PLEKHG7: variants seen among roughly 807,000 people sequenced by gnomAD.
PLEKHG7 encodes the protein pleckstrin homology and RhoGEF domain containing G7.
A neutral mutation model predicts 85.2 loss-of-function variants in PLEKHG7; 77 were observed. The ratio of observed to expected loss-of-function variants is 0.90; its 90% CI spans 0.75 to 1.09. PLEKHG7 has a LOEUF of 1.09. PLEKHG7 is among the 50% of genes least tolerant of loss of function. The pLI is 0.00. For missense variants in PLEKHG7, 777 were observed against 804.3 expected (o/e 0.97, Z 0.41); for synonymous variants, 301 against 302.4 (o/e 1.00, Z 0.05).
intron 5 of PLEKHG7, among the ~76,000 whole-genome samples, chr12:92,733,915 A>G (rs762230158): frequency 6.6e-6 from 1 of 152,210 alleles, no homozygotes; most frequent in Non-Finnish European, 1.5e-5. Flanking sequence ...TCAGCTCACA[A>G]TTGAGAAGAT....
intron 1 of PLEKHG7, among the ~76,000 whole-genome samples, chr12:92,704,487 T>G (rs765779383): frequency 6.6e-6 from 1 of 152,204 alleles, no homozygotes; most frequent in Non-Finnish European, 1.5e-5. Flanking sequence ...CAATCTCACC[T>G]TAACTGAACA....
At chr12:92,753,380 A>G (rs1872744237) in intron 10 of PLEKHG7, among the ~76,000 whole-genome samples, 1 of 152,190 alleles carries the variant, frequency 6.6e-6, no homozygotes. Context: ...AGCTATTCTC[A>G]TGTTTACTCA....
chr12:92,731,254 G>A (rs564847192), intron 4 of PLEKHG7, among the ~76,000 whole-genome samples: 1 of 152,292 alleles, frequency 6.6e-6, no homozygotes, highest in South Asian at 2.1e-4. Context: ...TTGTGCCTAA[G>A]GGAGAGTCCA....
intron 14 of PLEKHG7, among the ~76,000 whole-genome samples, chr12:92,762,584 T>G (rs1043538256): frequency 1.3e-5 from 2 of 152,190 alleles, no homozygotes; most frequent in African/African-American, 2.4e-5. Flanking sequence ...TCTAATTTAC[T>G]ATTTCACAAT....
rs1021346280 is a variant in PLEKHG7, at chr12:92,735,165, T to C, written c.700-1317T>C. 5.3e-5 allele frequency among the ~76,000 whole-genome samples: 8 copies of C among 152,200 alleles called. No individual in the cohort carries two copies. In the South Asian group the frequency reaches 1.7e-3, roughly 32 times the overall value. ...GCTTCCATTGTCTCAGCCTCTTTCT[T>C]TTCCAACTGGCTGCTGATTTTTTAT... On this transcript the variant is annotated intron_variant, in intron 5 of 16. Transcript: ENST00000344636.
At chr12:92,722,913 C>G (rs1871686704) in intron 3 of PLEKHG7, among the ~76,000 whole-genome samples, 2 of 152,066 alleles carry the variant, frequency 1.3e-5, no homozygotes, top group African/African-American at 4.8e-5. Flanking sequence ...CAGTATGAAT[C>G]TTCAACGTGT....
chr12:92,768,465 GT>G (rs1873284588), intron 15 of PLEKHG7, among the ~76,000 whole-genome samples: 1 of 152,106 alleles, frequency 6.6e-6, no homozygotes. Flanking sequence ...ATTTTGAGTG[GT>G]TTTTGGCTTT....
intron 10 of PLEKHG7, among the ~76,000 whole-genome samples, chr12:92,751,113 G>A (rs188274830): frequency 3.0e-4 from 46 of 152,250 alleles, no homozygotes; most frequent in African/African-American, 1.0e-3. Context: ...ACACAACATA[G>A]GCTTAAGTTC....
chr12:92,716,133 G>C (rs1871486275), intron 3 of PLEKHG7, among the ~76,000 whole-genome samples: 1 of 151,912 alleles, frequency 6.6e-6, no homozygotes, highest in South Asian at 2.1e-4. Flanking sequence ...GTCTTGCTCT[G>C]TCACTCAGGC....
rs1489955825 is a variant in PLEKHG7, at chr12:92,756,383, C to T, written c.1628C>T (p.Thr543Ile). The T allele has an allele frequency of 3.7e-6, 6 of 1,608,864 alleles. No homozygotes were observed. The highest frequency in any genetic ancestry group is 5.1e-6 in the Non-Finnish European group (6 of 1,175,362). ...CACCTTCTCTATGAAGGAAAATTAA[C>T]TCTTGCAGGTAAATAACTGCTTCCT... is the stretch of plus-strand genomic sequence containing the variant. ...SRHLLYEGKLTLAESTRFLDV... is the reference protein window; with the variant it reads ...SRHLLYEGKLILAESTRFLDV... Residue 543 changes from threonine to isoleucine, a missense_variant, in exon 13 of 17, where the codon ACT (threonine) becomes ATT (isoleucine). By Grantham distance (89) the Thr-to-Ile change is moderately conservative. Transcript: ENST00000344636.
At chr12:92,768,282 A>T (rs1021797534) in intron 15 of PLEKHG7, among the ~76,000 whole-genome samples, 1 of 152,050 alleles carries the variant, frequency 6.6e-6, no homozygotes, top group Non-Finnish European at 1.5e-5. Context: ...CAAAGAAGAG[A>T]CTTTCATTTT....
chr12:92,715,585 A>G (rs1871462120), intron 3 of PLEKHG7, among the ~76,000 whole-genome samples: 1 of 152,094 alleles, frequency 6.6e-6, no homozygotes, highest in Non-Finnish European at 1.5e-5. Context: ...TTTCTGCAGC[A>G]GCCATTTGTT....
At chr12:92,762,751 C>G (rs1408598385) in intron 14 of PLEKHG7, among the ~76,000 whole-genome samples, 1 of 152,138 alleles carries the variant, frequency 6.6e-6, no homozygotes, top group African/African-American at 2.4e-5. Flanking sequence ...TACCAAATGA[C>G]TAGCCTTACA....
intron 3 of PLEKHG7, among the ~76,000 whole-genome samples, chr12:92,726,087 A>G (rs2136587578): frequency 6.6e-6 from 1 of 152,326 alleles, no homozygotes; most frequent in East Asian, 1.9e-4. Context: ...ATTGACAAGA[A>G]AGAGGGCATG....
intron 10 of PLEKHG7, among the ~76,000 whole-genome samples, chr12:92,753,576 C>G (rs908466117): frequency 2.0e-5 from 3 of 152,222 alleles, no homozygotes; most frequent in Non-Finnish European, 4.4e-5. Context: ...TCTCTCCTCT[C>G]CTCTCTTTGT....
Position 92,751,020 on chromosome 12 carries a change from T to C in PLEKHG7, c.1252-3070T>C, listed in dbSNP as rs943250764. ...TTAATATACATCAAGATAAAGTACA[T>C]ACATTCATAAAGCTTAGCCTCATGT... On this transcript the variant is annotated intron_variant, in intron 10 of 16. Coordinates refer to ENST00000344636, the MANE Select transcript of PLEKHG7 (RefSeq NM_001377329.1). Among the ~76,000 whole-genome samples the C allele has an allele frequency of 7.9e-5, 12 of 152,306 alleles. 1 individual carries two copies. The East Asian group carries it at 2.3e-3, about 29-fold the overall frequency.
chr12:92,722,508 A>G (rs1200266417), intron 3 of PLEKHG7, among the ~76,000 whole-genome samples: 1 of 152,190 alleles, frequency 6.6e-6, no homozygotes, highest in Admixed American at 6.5e-5. Context: ...GTGGGTTTTG[A>G]ACACCAAGGC....
At chr12:92,739,303 G>A (rs1406248069) in intron 7 of PLEKHG7, among the ~76,000 whole-genome samples, 4 of 152,214 alleles carry the variant, frequency 2.6e-5, no homozygotes, top group Admixed American at 2.6e-4. Flanking sequence ...GTGCCAATTG[G>A]CTTAAGGCAG....
At chr12:92,709,373 T>C (rs2136570385) in intron 3 of PLEKHG7, among the ~76,000 whole-genome samples, 1 of 152,340 alleles carries the variant, frequency 6.6e-6, no homozygotes, top group East Asian at 1.9e-4. Context: ...AGGTGTCCAT[T>C]CACTGACCTA....
Sources: gnomAD v4.1 joint callset for allele counts (sites outside exome capture counted in the v4.1 genomes callset) on GRCh38, gnomAD v4.1.1 for gene constraint, MANE v1.5 for transcripts, NCBI Gene and HGNC (gene_info 2026-07-23, HGNC 2026-07-21) for gene names.